Variants in CAP2 observed in about 807,000 individuals in gnomAD.
CAP2 encodes cyclase associated actin cytoskeleton regulatory protein 2, also known as adenylyl cyclase-associated protein 2.
Under a neutral mutation model 57.7 loss-of-function variants are expected in CAP2, and 24 were observed. The observed-to-expected ratio is 0.42, with a 90% CI of 0.30 to 0.58. CAP2 has a LOEUF of 0.58. CAP2 is among the 20% of genes least tolerant of loss of function. The probability of loss-of-function intolerance (pLI) is 0.22; values close to 1 mark genes in which losing one functional copy is unlikely to be tolerated. For missense variants in CAP2, 501 were observed against 590.3 expected, an observed-to-expected ratio of 0.85 and a Z score of 1.57; for synonymous variants, 194 against 207.2, an observed-to-expected ratio of 0.94 and a Z score of 0.55.
intron 3 of CAP2, among the ~76,000 whole-genome samples, chr6:17,455,119 A>G (rs1760523134): frequency 6.6e-6 from 1 of 152,126 alleles, no homozygotes; most frequent in Admixed American, 6.5e-5. Flanking sequence ...CTCAGCTGGC[A>G]CCAAGGAACG....
At chr6:17,459,155 A>G (rs1025485974) in intron 3 of CAP2, among the ~76,000 whole-genome samples, 1 of 152,214 alleles carries the variant, frequency 6.6e-6, no homozygotes, top group Non-Finnish European at 1.5e-5. Context: ...GAAATGATCT[A>G]AAGTCGGAAG....
chr6:17,504,824 A>G (rs1761935025), intron 4 of CAP2, among the ~76,000 whole-genome samples: 1 of 152,012 alleles, frequency 6.6e-6, no homozygotes, highest in Non-Finnish European at 1.5e-5. Context: ...ATTCTAATCT[A>G]TTTTCATGAT....
At chr6:17,454,964 C>T (rs1294837193) in intron 3 of CAP2, among the ~76,000 whole-genome samples, 1 of 152,062 alleles carries the variant, frequency 6.6e-6, no homozygotes, top group African/African-American at 2.4e-5. Flanking sequence ...TGAGCCCCTT[C>T]GGATGGTATG....
chr6:17,534,513 G>A (rs759096205), intron 7 of CAP2, among the ~76,000 whole-genome samples: 5 of 152,110 alleles, frequency 3.3e-5, no homozygotes, highest in South Asian at 4.1e-4. Flanking sequence ...CCTAGCCCTC[G>A]TTCTTGGCAC....
chr6:17,525,615 A>G (rs936250245), intron 7 of CAP2, among the ~76,000 whole-genome samples: 3 of 151,990 alleles, frequency 2.0e-5, no homozygotes, highest in South Asian at 2.1e-4. Context: ...AGCATTTCCT[A>G]CCTTATATGG....
chr6:17,487,555 C>T (rs1761448614), intron 4 of CAP2, among the ~76,000 whole-genome samples: 1 of 152,164 alleles, frequency 6.6e-6, no homozygotes, highest in Middle Eastern at 3.4e-3. Context: ...CTGCAACCTC[C>T]GCCTCCCGGG....
At chr6:17,466,058 C>T (rs1760856653) in intron 4 of CAP2, among the ~76,000 whole-genome samples, 1 of 152,250 alleles carries the variant, frequency 6.6e-6, no homozygotes, top group South Asian at 2.1e-4. Context: ...TCAACTGCGT[C>T]TGTCATACAC....
chr6:17,512,828 C>T (rs1409343918), intron 6 of CAP2, among the ~76,000 whole-genome samples: 1 of 152,178 alleles, frequency 6.6e-6, no homozygotes, highest in Non-Finnish European at 1.5e-5. Flanking sequence ...AAATGGCATG[C>T]CTTAATACAA....
intron 7 of CAP2, among the ~76,000 whole-genome samples, chr6:17,527,682 G>A (rs1441711866): frequency 2.1e-5 from 3 of 144,918 alleles, no homozygotes; most frequent in African/African-American, 7.7e-5. Context: ...CTGCAGTCTC[G>A]CCTCCCGGGA....
intron 3 of CAP2, among the ~76,000 whole-genome samples, chr6:17,432,607 G>C (rs984793656): frequency 4.6e-5 from 7 of 152,132 alleles, no homozygotes; most frequent in Non-Finnish European, 8.8e-5. Context: ...TTTCATCCAG[G>C]CTTTAAATGG....
At chr6:17,552,679 TG>T (rs1460262857) in intron 12 of CAP2, among the ~76,000 whole-genome samples, 1 of 152,150 alleles carries the variant, frequency 6.6e-6, no homozygotes, top group Non-Finnish European at 1.5e-5. Context: ...TAAGTCTGCC[TG>T]TGCAGGGAGC....
chr6:17,507,547 G>A (rs1316933465), intron 5 of CAP2, 94 bp from the exon 6 acceptor site: 19 of 856,224 alleles, frequency 2.2e-5, no homozygotes, highest in African/African-American at 8.4e-5. Flanking sequence ...TCAAGTCCAC[G>A]CGTCTCCATT....
chr6:17,525,821 G>A (rs890114815), intron 7 of CAP2, among the ~76,000 whole-genome samples: 13 of 152,180 alleles, frequency 8.5e-5, no homozygotes, highest in South Asian at 4.2e-4. Flanking sequence ...AACTAGACAC[G>A]CCCTGAGCAA....
At chr6:17,435,729 AAAAC>A (rs1486454541) in intron 3 of CAP2, among the ~76,000 whole-genome samples, 1,781 of 140,638 alleles carry the variant, frequency 0.013, 57 homozygotes, top group African/African-American at 0.052. Flanking sequence ...AAAAAAAAAA[AAAAC>A]AAAAAAAAAA....
At chr6:17,426,962 A>C (rs1308699541) in intron 3 of CAP2, among the ~76,000 whole-genome samples, 1 of 152,212 alleles carries the variant, frequency 6.6e-6, no homozygotes, top group Non-Finnish European at 1.5e-5. Flanking sequence ...CTTCCACTTT[A>C]GTCTGGGAAA....
chr6:17,482,235 T>C (rs1406408771), intron 4 of CAP2, among the ~76,000 whole-genome samples: 1 of 152,030 alleles, frequency 6.6e-6, no homozygotes, highest in Non-Finnish European at 1.5e-5. Flanking sequence ...AGGTTAGAAG[T>C]CAAGGCGTAG....
chr6:17,415,154 C>T (rs1163165142), intron 1 of CAP2, among the ~76,000 whole-genome samples: 1 of 152,180 alleles, frequency 6.6e-6, no homozygotes, highest in African/African-American at 2.4e-5. Flanking sequence ...ACACTCACTA[C>T]CATTATTTCT....
intron 1 of CAP2, among the ~76,000 whole-genome samples, chr6:17,403,742 G>A (rs1758875465): frequency 6.6e-6 from 1 of 152,170 alleles, no homozygotes; most frequent in African/African-American, 2.4e-5. Context: ...GGCAAGAAGC[G>A]TGGAAATATA....
intron 2 of CAP2, 92 bp downstream of exon 2, chr6:17,421,768 C>A: frequency 7.1e-7 from 1 of 1,405,542 alleles, no homozygotes; most frequent in Non-Finnish European, 1.0e-6. Flanking sequence ...TTTCTATTAT[C>A]CTTCAGCTTC....
Sources: allele counts gnomAD v4.1 joint callset (sites outside exome capture counted in the v4.1 genomes callset), GRCh38; gene constraint gnomAD v4.1.1; transcripts MANE v1.5; gene names NCBI Gene and HGNC (gene_info 2026-07-23, HGNC 2026-07-21).